CDKAL1: variants seen among roughly 807,000 people sequenced by gnomAD.
CDKAL1 encodes the protein threonylcarbamoyladenosine tRNA methylthiotransferase.
CDKAL1 carries 32 observed loss-of-function variants against 68.2 expected under a neutral mutation model. The observed-to-expected ratio is 0.47, with a 90% CI of 0.35 to 0.63. CDKAL1 has a LOEUF of 0.63. CDKAL1 is among the 30% of genes least tolerant of loss of function. CDKAL1 has a pLI of 0.00. For synonymous variants in CDKAL1, 234 were observed against 244.3 expected (o/e 0.96, Z 0.39); for missense variants, 606 against 696.7 (o/e 0.87, Z 1.47).
intron 9 of CDKAL1, among the ~76,000 whole-genome samples, chr6:20,931,898 A>G (rs1763478519): frequency 6.6e-6 from 1 of 152,174 alleles, no homozygotes; most frequent in Non-Finnish European, 1.5e-5. Context: ...TCTTCAGTCG[A>G]TTGATTTTAC....
chr6:20,938,534 C>T (rs949024894), intron 9 of CDKAL1, among the ~76,000 whole-genome samples: 3 of 152,066 alleles, frequency 2.0e-5, no homozygotes, highest in African/African-American at 4.8e-5. Flanking sequence ...AAATGATTCT[C>T]TAGTAAAATT....
chr6:21,126,404 G>T (rs1775015035), intron 13 of CDKAL1, among the ~76,000 whole-genome samples: 1 of 152,186 alleles, frequency 6.6e-6, no homozygotes, highest in African/African-American at 2.4e-5. Context: ...TACACAATGT[G>T]TGTGTTGTGT....
chr6:20,679,700 A>G (rs1458995961), intron 5 of CDKAL1, among the ~76,000 whole-genome samples: 1 of 152,252 alleles, frequency 6.6e-6, no homozygotes, highest in African/African-American at 2.4e-5. Flanking sequence ...TTTCTAAAAA[A>G]TGCTTTTCCA....
At chr6:20,743,348 C>T (rs765075303) in intron 6 of CDKAL1, among the ~76,000 whole-genome samples, 6 of 152,000 alleles carry the variant, frequency 3.9e-5, no homozygotes, top group Non-Finnish European at 7.4e-5. Context: ...GTTGACCAGG[C>T]GATTAAAATA....
At chr6:21,178,898 T>G (rs922436192) in intron 13 of CDKAL1, among the ~76,000 whole-genome samples, 1 of 152,240 alleles carries the variant, frequency 6.6e-6, no homozygotes, top group Non-Finnish European at 1.5e-5. Flanking sequence ...AGCACTCTGA[T>G]AGCTCACAGC....
Position 21,065,055 on chromosome 6 carries a change from G to T in CDKAL1, c.1063G>T (p.Gly355Ter). Residue 355 changes from glycine to a stop codon, truncating the protein, a stop_gained, in exon 12 of 16, where the codon GGA becomes TGA. Coordinates refer to ENST00000274695, the MANE Select transcript of CDKAL1 (RefSeq NM_017774.3). LOFTEE classifies it high-confidence loss of function. ...TGTCTTGTTATTTTCTAGAGTTCCT[G>T]GAATAACTATTGCTACAGATATTAT... ...VVDFLKEKVP[G>*]ITIATDIICG... is the part of the protein sequence containing the mutation. 2 of 1,541,764 alleles carry T rather than the reference G, an allele frequency of 1.3e-6. No homozygotes were observed. Among genetic ancestry groups the T allele is most frequent in the South Asian group, 2.6e-5 (2 of 75,894 alleles).
intron 11 of CDKAL1, among the ~76,000 whole-genome samples, chr6:21,047,938 G>A (rs1345073764): frequency 6.6e-6 from 1 of 152,188 alleles, no homozygotes; most frequent in African/African-American, 2.4e-5. Flanking sequence ...TGTTCAGAGA[G>A]AAAGTATTCT....
intron 6 of CDKAL1, among the ~76,000 whole-genome samples, chr6:20,745,303 C>T (rs922913180): frequency 2.0e-5 from 3 of 152,296 alleles, no homozygotes; most frequent in South Asian, 4.1e-4. Context: ...ATATTTCTAT[C>T]GTACACCATG....
intron 5 of CDKAL1, among the ~76,000 whole-genome samples, chr6:20,690,352 C>T (rs1270644363): frequency 6.6e-6 from 1 of 152,004 alleles, no homozygotes; most frequent in Non-Finnish European, 1.5e-5. Context: ...TAAGTCTTTA[C>T]CTTCTTTTTT....
chr6:20,702,557 G>A (rs1771414819), intron 5 of CDKAL1, among the ~76,000 whole-genome samples: 1 of 152,152 alleles, frequency 6.6e-6, no homozygotes, highest in African/African-American at 2.4e-5. Flanking sequence ...CAACTGCTCA[G>A]GCAAAACTTG....
At chr6:20,587,232 C>G (rs1485015897) in intron 4 of CDKAL1, among the ~76,000 whole-genome samples, 4 of 151,980 alleles carry the variant, frequency 2.6e-5, no homozygotes, top group African/African-American at 9.7e-5. Flanking sequence ...GGTGATCCAC[C>G]TGCCGCAGCC....
At chr6:21,187,513 G>A (rs1304581658) in intron 13 of CDKAL1, among the ~76,000 whole-genome samples, 3 of 152,116 alleles carry the variant, frequency 2.0e-5, no homozygotes, top group South Asian at 2.1e-4. Context: ...ATTAGAAAGC[G>A]TCCTGCATAC....
chr6:21,167,320 G>A lies in CDKAL1; in HGVS notation c.1300-30701G>A, dbSNP rs1235801904. On this transcript the variant is annotated intron_variant, in intron 13 of 15. Coordinates refer to ENST00000274695, the MANE Select transcript of CDKAL1 (RefSeq NM_017774.3). ...GTACTGTCAAAGCTGACAACCAGCT[G>A]ACTTAATCATTTCTAATTACTGTGC... is the stretch of plus-strand genomic sequence containing the variant. 2.0e-5 allele frequency among the ~76,000 whole-genome samples: 3 copies of A among 152,176 alleles called. No homozygotes were observed. In the East Asian group the frequency reaches 5.8e-4, roughly 29 times the overall value.
intron 9 of CDKAL1, among the ~76,000 whole-genome samples, chr6:20,870,456 A>C (rs547688657): frequency 1.3e-5 from 2 of 152,342 alleles, no homozygotes; most frequent in African/African-American, 4.8e-5. Flanking sequence ...GAGTTGGTTG[A>C]AAACTCCTTT....
chr6:20,567,305 T>C (rs1764500351), intron 4 of CDKAL1, among the ~76,000 whole-genome samples: 1 of 151,532 alleles, frequency 6.6e-6, no homozygotes, highest in Non-Finnish European at 1.5e-5. Context: ...TCTAAAATGG[T>C]TTATGGAGTA....
intron 6 of CDKAL1, among the ~76,000 whole-genome samples, chr6:20,742,910 A>C (rs1773519135): frequency 6.6e-6 from 1 of 152,104 alleles, no homozygotes; most frequent in Non-Finnish European, 1.5e-5. Flanking sequence ...AATTATGTCC[A>C]CATAACTAAA....
At chr6:20,696,201 A>G (rs939036064) in intron 5 of CDKAL1, among the ~76,000 whole-genome samples, 1 of 152,256 alleles carries the variant, frequency 6.6e-6, no homozygotes, top group Admixed American at 6.5e-5. Context: ...CCCCAGAAAT[A>G]TGAGCCCTCA....
intron 7 of CDKAL1, among the ~76,000 whole-genome samples, chr6:20,771,832 G>T (rs79667443): frequency 2.0e-5 from 3 of 152,042 alleles, no homozygotes; most frequent in Non-Finnish European, 4.4e-5. Context: ...GCCTTCTGCC[G>T]TGACTGGAGG....
chr6:20,631,737 TC>T (rs1767683958), intron 4 of CDKAL1, among the ~76,000 whole-genome samples: 1 of 152,126 alleles, frequency 6.6e-6, no homozygotes, highest in South Asian at 2.1e-4. Flanking sequence ...AGTCAGCCCT[TC>T]CGGATGAACC....
Sources: gnomAD v4.1 joint callset for allele counts (sites outside exome capture counted in the v4.1 genomes callset) on GRCh38, gnomAD v4.1.1 for gene constraint, MANE v1.5 for transcripts, NCBI Gene and HGNC (gene_info 2026-07-23, HGNC 2026-07-21) for gene names.